ZNF184: variants seen among roughly 807,000 people sequenced by gnomAD.
The protein encoded by ZNF184 is zinc finger protein 184 (Kruppel-like).
Under a neutral mutation model 54.4 loss-of-function variants are expected in ZNF184, and 16 were observed. The observed-to-expected ratio is 0.29, with a 90% CI of 0.20 to 0.45. The LOEUF (loss-of-function observed/expected upper bound fraction) is 0.45. ZNF184 is among the 20% of genes least tolerant of loss of function. The probability of loss-of-function intolerance (pLI) is 1.00; values close to 1 mark genes in which losing one functional copy is unlikely to be tolerated. For synonymous variants in ZNF184, 254 were observed against 295.3 expected (o/e 0.86, Z 1.43); for missense variants, 681 against 888.2 (o/e 0.77, Z 2.97).
the ZNF184 span, among the ~76,000 whole-genome samples, chr6:27,443,824 C>T: frequency 6.6e-6 from 1 of 152,132 alleles, no homozygotes; most frequent in African/African-American, 2.4e-5. Context: ...CACTTCTTCT[C>T]ACTTTGAATT....
the ZNF184 span, among the ~76,000 whole-genome samples, chr6:27,433,682 C>T: frequency 1.3e-5 from 2 of 152,132 alleles, no homozygotes; most frequent in South Asian, 4.1e-4. Context: ...CTTCCTTTTT[C>T]AGCTTGAATA....
chr6:27,471,386 G>A (rs1763271435), intron 2 of ZNF184, among the ~76,000 whole-genome samples: 1 of 152,116 alleles, frequency 6.6e-6, no homozygotes, highest in African/African-American at 2.4e-5. Context: ...ACACAAAAAT[G>A]GTGTAAATCT....
At chr6:27,418,320 T>C in the ZNF184 span, among the ~76,000 whole-genome samples, 1 of 152,180 alleles carries the variant, frequency 6.6e-6, no homozygotes, top group Non-Finnish European at 1.5e-5. Context: ...GGACTCCACA[T>C]CTCTCCAGCC....
the ZNF184 span, chr6:27,408,096 C>A: frequency 8.1e-6 from 6 of 738,136 alleles, no homozygotes; most frequent in Non-Finnish European, 1.5e-5. Context: ...ACTACTGCTG[C>A]AGCATTTTGG....
At chr6:27,428,541 C>T in the ZNF184 span, among the ~76,000 whole-genome samples, 9 of 152,186 alleles carry the variant, frequency 5.9e-5, no homozygotes, top group South Asian at 1.0e-3. The surrounding 1 kb of genome is among the most constrained non-coding windows in gnomAD (Gnocchi z 4.1). Context: ...TATTCTCATC[C>T]GACCCAAACT....
downstream of ZNF184, among the ~76,000 whole-genome samples, chr6:27,447,425 T>C (rs1288375934): frequency 2.6e-5 from 4 of 151,906 alleles, no homozygotes; most frequent in East Asian, 3.9e-4. Context: ...AAAAGGTGAT[T>C]AGGTCGGCCG....
chr6:27,426,804 A>G, the ZNF184 span, among the ~76,000 whole-genome samples: 1 of 152,128 alleles, frequency 6.6e-6, no homozygotes, highest in African/African-American at 2.4e-5. The surrounding 1 kb of genome is among the most constrained non-coding windows in gnomAD (Gnocchi z 4.2). Flanking sequence ...AATTTGACCT[A>G]TTTCTCTGAA....
At chr6:27,470,548 G>GA (rs1373454388) in intron 2 of ZNF184, among the ~76,000 whole-genome samples, 1 of 151,932 alleles carries the variant, frequency 6.6e-6, no homozygotes, top group African/African-American at 2.4e-5. Flanking sequence ...GAAGTCTTAA[G>GA]AAAAAAATGA....
the ZNF184 span, among the ~76,000 whole-genome samples, chr6:27,423,908 G>A: frequency 6.6e-6 from 1 of 151,982 alleles, no homozygotes; most frequent in Non-Finnish European, 1.5e-5. Context: ...CTGTTTATTT[G>A]GAATCTCTAG....
Position 27,451,364 on chromosome 6 carries a change from CCA to C in ZNF184, c.2193_2194del (p.Cys731TrpfsTer28). On this transcript the variant is annotated frameshift_variant, in exon 6 of 6. Coordinates refer to ENST00000683788, the MANE Select transcript of ZNF184 (RefSeq NM_001318891.2). LOFTEE classifies it high-confidence loss of function. ...AGCAGAGCGATATCTGAAGGATTTT[CCA>C]CAATCATTACATCCAAAAGGCTTCT... 1 of 1,613,924 alleles carries C rather than the reference CCA, an allele frequency of 6.2e-7. No homozygotes were observed.
chr6:27,455,570 T>C (rs931648880), intron 5 of ZNF184, among the ~76,000 whole-genome samples: 5 of 152,160 alleles, frequency 3.3e-5, no homozygotes, highest in African/African-American at 1.2e-4. Context: ...CTTTCTAAAG[T>C]ATGTTCCATG....
chr6:27,456,849 C>G lies in ZNF184; in HGVS notation c.275G>C (p.Ser92Thr). 1 of 1,614,124 alleles carries G rather than the reference C, an allele frequency of 6.2e-7. No individual in the cohort carries two copies. Among genetic ancestry groups the G allele is most frequent in the Non-Finnish European group, 8.5e-7 (1 of 1,180,008 alleles). Reference sequence around the variant, plus strand: ...ACCTGCACAGGTACCTACTGGAATGCTTGGCTCCATGATCCATGGCTCTGT... The same window carrying G: ...ACCTGCACAGGTACCTACTGGAATGGTTGGCTCCATGATCCATGGCTCTGT... ...QGTEPWIMEPSIPVGTCADWE... is the reference protein window; with the variant it reads ...QGTEPWIMEPTIPVGTCADWE... Residue 92 changes from serine (S) to threonine (T), a missense_variant, in exon 5 of 6, where the codon AGC (serine) becomes ACC (threonine). Ser to Thr is a moderately conservative substitution (Grantham distance 58). Coordinates refer to ENST00000683788, the MANE Select transcript of ZNF184 (RefSeq NM_001318891.2).
chr6:27,410,685 C>G, the ZNF184 span, among the ~76,000 whole-genome samples: 1 of 152,128 alleles, frequency 6.6e-6, no homozygotes, highest in Admixed American at 6.5e-5. Flanking sequence ...GTGCGCACCA[C>G]CACGCCCGGC....
downstream of ZNF184, among the ~76,000 whole-genome samples, chr6:27,448,924 T>G (rs1324041141): frequency 2.6e-5 from 4 of 152,204 alleles, no homozygotes; most frequent in African/African-American, 9.6e-5. Flanking sequence ...TTTACAACTT[T>G]CTTTATAATA....
the ZNF184 span, among the ~76,000 whole-genome samples, chr6:27,434,539 C>T: frequency 6.6e-6 from 1 of 152,018 alleles, no homozygotes; most frequent in South Asian, 2.1e-4. Flanking sequence ...TGTAGGTGTT[C>T]TTTATATATT....
Position 27,452,727 on chromosome 6 carries a change from A to G in ZNF184, c.832T>C (p.Tyr278His). 2 of 1,614,112 alleles carry G rather than the reference A, an allele frequency of 1.2e-6. No homozygotes were observed. Among genetic ancestry groups the G allele is most frequent in the South Asian group, 1.1e-5 (1 of 91,080 alleles). Residue 278 changes from tyrosine (Y) to histidine (H), a missense_variant, in exon 6 of 6, where the codon TAT (tyrosine) becomes CAT (histidine). Transcript: ENST00000683788. This position sits in a 1 kb window ranked among gnomAD's most constrained non-coding sequence, Gnocchi z 5.5. Reference protein sequence around the residue: ...HQRIHTGDKPYKCDQCGKGFI... With the variant: ...HQRIHTGDKPHKCDQCGKGFI... ...CCTTTTCCACACTGATCACATTTAT[A>G]TGGTTTATCTCCAGTATGAATTCTT... is the stretch of plus-strand genomic sequence containing the variant.
the ZNF184 span, among the ~76,000 whole-genome samples, chr6:27,418,622 GTTGCACA>G: frequency 6.6e-6 from 1 of 152,140 alleles, no homozygotes; most frequent in Non-Finnish European, 1.5e-5. Flanking sequence ...ACCCTAGGGA[GTTGCACA>G]TCATGGTATA....
chr6:27,433,275 C>T, the ZNF184 span, among the ~76,000 whole-genome samples: 4 of 152,326 alleles, frequency 2.6e-5, no homozygotes, highest in East Asian at 7.7e-4. Context: ...TGACATTGCT[C>T]ACCAAAATCA....
intron 3 of ZNF184, 98 bp downstream of exon 3, chr6:27,467,755 A>T: frequency 8.4e-7 from 1 of 1,184,308 alleles, no homozygotes; most frequent in Non-Finnish European, 1.2e-6. Flanking sequence ...ATGAACTGCC[A>T]ACATTGATTT....
Sources: allele counts gnomAD v4.1 joint callset (sites outside exome capture counted in the v4.1 genomes callset), GRCh38; gene constraint gnomAD v4.1.1; non-coding constraint Gnocchi (gnomAD v3.1); transcripts MANE v1.5; gene names NCBI Gene and HGNC (gene_info 2026-07-23, HGNC 2026-07-21).